Variants in SEPTIN7 observed in about 807,000 individuals in gnomAD.
SEPTIN7 encodes the protein septin 7, also known as septin-7.
SEPTIN7 carries 10 observed loss-of-function variants against 63.3 expected under a neutral mutation model. The ratio of observed to expected loss-of-function variants is 0.16; its 90% CI spans 0.10 to 0.27. The LOEUF is 0.27. Ranked by LOEUF, SEPTIN7 falls within the 10% of genes least tolerant of loss-of-function variation. SEPTIN7 has a pLI of 1.00. For synonymous variants in SEPTIN7, 131 were observed against 165.3 expected (o/e 0.79, Z 1.59); for missense variants, 310 against 521.0 (o/e 0.59, Z 3.94).
intron 8 of SEPTIN7, among the ~76,000 whole-genome samples, chr7:35,883,589 C>G (rs757940322): frequency 1.4e-5 from 2 of 146,430 alleles, no homozygotes; most frequent in Non-Finnish European, 3.0e-5. Context: ...CCTTTTATCC[C>G]CCCCCAGGTA....
chr7:35,876,340 C>CT (rs1460819081), intron 6 of SEPTIN7, among the ~76,000 whole-genome samples: 1 of 152,026 alleles, frequency 6.6e-6, no homozygotes, highest in Non-Finnish European at 1.5e-5. Flanking sequence ...CTGAACTCTG[C>CT]TTTTTTGTCA....
Position 35,904,365 on chromosome 7 carries a change from C to G in SEPTIN7, c.*72C>G. On this transcript the variant is annotated 3_prime_UTR_variant, in exon 14 of 14. Coordinates refer to ENST00000350320, the MANE Select transcript of SEPTIN7 (RefSeq NM_001788.6). ...CTTGGACATCAGTGTTTGTTGGATC[C>G]GTTTGACCAATTTGCACCAGTTTTA... 7.9e-7 allele frequency: 1 copy of G among 1,272,676 alleles called. No homozygotes were observed. The highest frequency in any genetic ancestry group is 1.5e-5 in the South Asian group (1 of 64,744). The allele number at this position is 1,272,676 out of a possible 1,614,324, so 78.8% of individuals were successfully genotyped here. A position where few individuals can be genotyped will look rare whatever the true frequency, so the allele number is the denominator to read the frequency against.
At chr7:35,845,139 G>A (rs2116006171) in intron 3 of SEPTIN7, among the ~76,000 whole-genome samples, 1 of 152,132 alleles carries the variant, frequency 6.6e-6, no homozygotes, top group Middle Eastern at 3.4e-3. Flanking sequence ...TGGTAGAGTG[G>A]AGATACTTAC....
chr7:35,866,867 A>G, intron 4 of SEPTIN7, among the ~76,000 whole-genome samples: 1 of 152,212 alleles, frequency 6.6e-6, no homozygotes, highest in East Asian at 1.9e-4. Flanking sequence ...AGCGCACATC[A>G]CAATCACCTG....
the SEPTIN7 span, among the ~76,000 whole-genome samples, chr7:35,912,839 G>A: frequency 2.6e-5 from 4 of 152,334 alleles, no homozygotes; most frequent in South Asian, 2.1e-4. Context: ...ACTTTATGAC[G>A]CTGTTGCAGA....
At chr7:35,840,649 T>A (rs1784366728) in intron 3 of SEPTIN7, among the ~76,000 whole-genome samples, 1 of 152,092 alleles carries the variant, frequency 6.6e-6, no homozygotes, top group African/African-American at 2.4e-5. Context: ...TTTTTTTTTC[T>A]GAATTTGAAG....
At chr7:35,885,799 A>G (rs1294025691) in intron 9 of SEPTIN7, 29 bp from the exon 10 acceptor site, 14 of 1,561,022 alleles carry the variant, frequency 9.0e-6, no homozygotes, top group Non-Finnish European at 7.9e-6. Context: ...GTGGAAATAT[A>G]ACATATGCGG....
At chr7:35,894,875 G>A (rs1787870061) in intron 11 of SEPTIN7, among the ~76,000 whole-genome samples, 1 of 152,106 alleles carries the variant, frequency 6.6e-6, no homozygotes, top group African/African-American at 2.4e-5. Context: ...ACTTGACTAG[G>A]TCATCCTTAT....
chr7:35,812,050 C>A (rs1446579168), intron 1 of SEPTIN7: 1 of 247,410 alleles, frequency 4.0e-6, no homozygotes, highest in Non-Finnish European at 8.6e-6. Context: ...TTGCTTGAAC[C>A]TAGGAGGCAG....
chr7:35,861,556 C>G (rs148158463), intron 3 of SEPTIN7, among the ~76,000 whole-genome samples: 29 of 152,262 alleles, frequency 1.9e-4, no homozygotes, highest in African/African-American at 7.0e-4. Context: ...TTCTCAATTC[C>G]TCCTGTATGC....
At chr7:35,823,486 C>T (rs1307910402) in intron 1 of SEPTIN7, among the ~76,000 whole-genome samples, 2 of 152,232 alleles carry the variant, frequency 1.3e-5, no homozygotes, top group Non-Finnish European at 2.9e-5. Flanking sequence ...CAGGCATGAG[C>T]CACCGTGCCC....
At chr7:35,874,700 C>G (rs998388886) in intron 6 of SEPTIN7, among the ~76,000 whole-genome samples, 7 of 151,910 alleles carry the variant, frequency 4.6e-5, no homozygotes, top group Admixed American at 6.6e-5. Flanking sequence ...AGGTCAATGC[C>G]CATTATCACT....
At chr7:35,892,159 T>C (rs909959649) in intron 11 of SEPTIN7, among the ~76,000 whole-genome samples, 3 of 152,206 alleles carry the variant, frequency 2.0e-5, no homozygotes, top group African/African-American at 7.2e-5. Flanking sequence ...AATTAGACGA[T>C]AATCCTGAAG....
chr7:35,817,571 A>G lies in SEPTIN7; in HGVS notation c.62-13921A>G, dbSNP rs79569657. On this transcript the variant is annotated intron_variant, in intron 1 of 13. Transcript: ENST00000350320. ...ATAGGCTTAGTTTGCTAATTTCTAC[A>G]AGTAGGCCAACAAGGATGTTGATAG... 7.9e-3 allele frequency among the ~76,000 whole-genome samples: 1,195 copies of G among 152,166 alleles called. 7 individuals are homozygous for G. Among genetic ancestry groups the G allele is most frequent in the Non-Finnish European group, 0.013 (891 of 67,926 alleles).
intron 1 of SEPTIN7, among the ~76,000 whole-genome samples, chr7:35,829,128 C>CTTTTTTTTTTTTTTTTTTTTTTT (rs71553032): frequency 8.2e-5 from 5 of 61,062 alleles, no homozygotes; most frequent in African/African-American, 2.1e-4. Flanking sequence ...CATGGACCTT[C>CTTTTTTTTTTTTTTTTTTTTTTT]TTTTTTTTTT....
chr7:35,810,895 T>C (rs536207912), intron 1 of SEPTIN7, among the ~76,000 whole-genome samples: 35 of 151,884 alleles, frequency 2.3e-4, no homozygotes, highest in Non-Finnish European at 3.8e-4. Context: ...GCCTCCCGAG[T>C]AGCTGGGATT....
intron 1 of SEPTIN7, among the ~76,000 whole-genome samples, chr7:35,807,784 C>T (rs191996945): frequency 1.3e-5 from 2 of 151,998 alleles, no homozygotes; most frequent in African/African-American, 4.8e-5. Context: ...AGGTGTGAGC[C>T]ACCGCACCTG....
intron 1 of SEPTIN7, among the ~76,000 whole-genome samples, chr7:35,825,724 G>A (rs369459930): frequency 1.9e-4 from 29 of 152,262 alleles, no homozygotes; most frequent in Middle Eastern, 3.4e-3. Context: ...CATATTGTAA[G>A]TATGTTGAAT....
At chr7:35,853,007 T>C (rs916247663) in intron 3 of SEPTIN7, among the ~76,000 whole-genome samples, 1 of 152,142 alleles carries the variant, frequency 6.6e-6, no homozygotes, top group Non-Finnish European at 1.5e-5. Flanking sequence ...ATACTAGGGG[T>C]ATCAAATTAA....
Sources: allele counts gnomAD v4.1 joint callset (sites outside exome capture counted in the v4.1 genomes callset), GRCh38; gene constraint gnomAD v4.1.1; transcripts MANE v1.5; gene names NCBI Gene and HGNC (gene_info 2026-07-23, HGNC 2026-07-21).